Variants in ZMPSTE24 observed in about 807,000 individuals in gnomAD.
ZMPSTE24 encodes the protein zinc metallopeptidase STE24.
Under a neutral mutation model 56.7 loss-of-function variants are expected in ZMPSTE24, and 48 were observed. The ratio of observed to expected loss-of-function variants is 0.85; its 90% CI spans 0.67 to 1.08. The LOEUF (loss-of-function observed/expected upper bound fraction) is 1.08. Among genes scored for constraint, ZMPSTE24 ranks in the 50% least tolerant of loss-of-function variants. The pLI, the probability that ZMPSTE24 is intolerant of heterozygous loss-of-function variation, is 0.00. For synonymous variants in ZMPSTE24, 172 were observed against 195.2 expected (o/e 0.88, Z 0.99); for missense variants, 503 against 548.7 (o/e 0.92, Z 0.83).
intron 1 of ZMPSTE24, among the ~76,000 whole-genome samples, chr1:40,260,340 C>T (rs894199538): frequency 2.0e-5 from 3 of 152,092 alleles, no homozygotes; most frequent in African/African-American, 2.4e-5. Context: ...GGATTACAGG[C>T]GTGACCCACC....
rs1450590022 is a variant in ZMPSTE24 at position 40,268,146 on chromosome 1, AG to A, written c.358-272del. Among the ~76,000 whole-genome samples, 68 of 152,364 alleles carry A rather than the reference AG, an allele frequency of 4.5e-4. 1 individual carries two copies. The South Asian group carries it at 0.013, about 29-fold the overall frequency. On this transcript the variant is annotated intron_variant, in intron 3 of 9. Transcript: ENST00000372759. ...TGACTTTCTTCCATGTGGTAAGCCAAGAATCCAGGCTCTTTATCTTAGGGAT... is the reference window on the plus strand; with the variant it reads ...TGACTTTCTTCCATGTGGTAAGCCAAAATCCAGGCTCTTTATCTTAGGGAT...
intron 3 of ZMPSTE24, 67 bp from the exon 4 acceptor site, chr1:40,268,352 C>A: frequency 1.9e-6 from 2 of 1,051,682 alleles, no homozygotes; most frequent in Admixed American, 3.4e-5. Flanking sequence ...AAGTGCTCAG[C>A]AAATACTTGT....
intron 6 of ZMPSTE24, among the ~76,000 whole-genome samples, chr1:40,274,419 A>G (rs1397248591): frequency 6.6e-6 from 1 of 152,236 alleles, no homozygotes; most frequent in Non-Finnish European, 1.5e-5. Flanking sequence ...AGCAAGTGCT[A>G]TGCAGCAAAT....
rs556525352 is a variant in ZMPSTE24, at chr1:40,275,133, A to G, written c.769+3098A>G. On this transcript the variant is annotated intron_variant, in intron 6 of 9. Transcript: ENST00000372759. ...CAGAAAAACTGCTTATTGAAGCACT[A>G]TTTGGACCAGGCGCAGTGGCTTATG... 3.3e-5 allele frequency among the ~76,000 whole-genome samples: 5 copies of G among 152,148 alleles called. No individual in the cohort carries two copies. The South Asian group carries it at 1.0e-3, about 32-fold the overall frequency.
chr1:40,258,854 C>G (rs1190238705), intron 1 of ZMPSTE24, among the ~76,000 whole-genome samples: 1 of 151,994 alleles, frequency 6.6e-6, no homozygotes, highest in Non-Finnish European at 1.5e-5. Flanking sequence ...AAAAAACAAA[C>G]AAACAAACAA....
chr1:40,285,793 T>C, intron 7 of ZMPSTE24, 132 bp from the exon 8 acceptor site: 1 of 709,660 alleles, frequency 1.4e-6, no homozygotes, highest in Non-Finnish European at 2.3e-6. Flanking sequence ...AATGTTTTGT[T>C]AAGACAATCA....
intron 6 of ZMPSTE24, among the ~76,000 whole-genome samples, chr1:40,280,509 C>T (rs1306264885): frequency 6.6e-6 from 1 of 152,080 alleles, no homozygotes; most frequent in East Asian, 1.9e-4. Context: ...ACTGCAACCT[C>T]CGTCTCCTGG....
chr1:40,286,733 T>TG (rs1226701547), intron 8 of ZMPSTE24, among the ~76,000 whole-genome samples: 1 of 149,808 alleles, frequency 6.7e-6, no homozygotes, highest in East Asian at 2.0e-4. Flanking sequence ...AAATGCTTTT[T>TG]TTTTTTTTTT....
intron 5 of ZMPSTE24, 44 bp downstream of exon 5, chr1:40,270,171 G>A: frequency 1.2e-6 from 2 of 1,603,168 alleles, no homozygotes; most frequent in South Asian, 1.1e-5. Context: ...AAAGTTCCTT[G>A]GTGAGATTAC....
chr1:40,284,836 A>C (rs1643768700), intron 7 of ZMPSTE24, among the ~76,000 whole-genome samples: 1 of 151,784 alleles, frequency 6.6e-6, no homozygotes, highest in Non-Finnish European at 1.5e-5. Flanking sequence ...ATACACATTC[A>C]CATTGTTTCA....
At chr1:40,258,737 A>G (rs1048364593) in intron 1 of ZMPSTE24, among the ~76,000 whole-genome samples, 13 of 151,974 alleles carry the variant, frequency 8.6e-5, no homozygotes, top group African/African-American at 2.9e-4. Context: ...TAGACACCCA[A>G]CTTCCTCATG....
intron 2 of ZMPSTE24, among the ~76,000 whole-genome samples, chr1:40,263,944 C>G (rs1019361438): frequency 6.6e-6 from 1 of 152,064 alleles, no homozygotes; most frequent in Non-Finnish European, 1.5e-5. Context: ...CAGAGTAGGT[C>G]AGGGTCGAAA....
intron 2 of ZMPSTE24, 51 bp from the exon 3 acceptor site, chr1:40,267,735 G>A (rs753071041): frequency 1.5e-6 from 2 of 1,331,146 alleles, no homozygotes; most frequent in East Asian, 2.3e-5. Flanking sequence ...TTTCTCATAT[G>A]ATAGTTTCTA....
At chr1:40,259,232 A>G (rs1413465941) in intron 1 of ZMPSTE24, 2 of 152,220 alleles carry the variant, frequency 1.3e-5, no homozygotes, top group Non-Finnish European at 2.9e-5. Flanking sequence ...TTTTAGTTTA[A>G]ATATTAAAAT....
Position 40,268,514 on chromosome 1 carries a change from A to G in ZMPSTE24, c.453A>G (p.Glu151=), listed in dbSNP as rs115755400. 5.3e-4 allele frequency: 853 copies of G among 1,607,504 alleles called. 2 individuals are homozygous for G. The African/African-American group carries it at 0.01, about 20-fold the overall frequency. Reference sequence around the variant, plus strand: ...TTTATAATACTTTTGTGATAGAAGAAAAACATGGCTTCAATCAACAGGTAT... The same window carrying G: ...TTTATAATACTTTTGTGATAGAAGAGAAACATGGCTTCAATCAACAGGTAT... The part of the protein sequence containing the change: ...WSLYNTFVIE[E]KHGFNQQTLG... The change falls in exon 4 of 10, where the codon GAA becomes GAG. Residue 151 remains glutamate, a synonymous_variant. Transcript: ENST00000372759.
At chr1:40,280,772 T>G (rs1046480733) in intron 6 of ZMPSTE24, among the ~76,000 whole-genome samples, 1 of 152,160 alleles carries the variant, frequency 6.6e-6, no homozygotes, top group Non-Finnish European at 1.5e-5. Context: ...AAAATAAATA[T>G]AAAATAAACA....
chr1:40,258,516 G>A (rs1056280319), intron 1 of ZMPSTE24, 122 bp downstream of exon 1: 1 of 1,543,782 alleles, frequency 6.5e-7, no homozygotes, highest in South Asian at 1.1e-5. Flanking sequence ...TGTGGTCCCT[G>A]CTGAGTCTCG....
intron 2 of ZMPSTE24, among the ~76,000 whole-genome samples, chr1:40,261,907 C>T (rs1243946938): frequency 2.6e-5 from 4 of 152,128 alleles, no homozygotes; most frequent in Admixed American, 2.6e-4. Flanking sequence ...GACGGGGTTT[C>T]ACCATGTTAG....
At chr1:40,261,052 A>G in intron 2 of ZMPSTE24, 67 bp downstream of exon 2, 1 of 1,578,280 alleles carries the variant, frequency 6.3e-7, no homozygotes, top group Non-Finnish European at 8.7e-7. Context: ...TTTGTAACAC[A>G]AAAGAGGGTA....
Sources: allele counts gnomAD v4.1 joint callset (sites outside exome capture counted in the v4.1 genomes callset), GRCh38; gene constraint gnomAD v4.1.1; transcripts MANE v1.5; gene names NCBI Gene and HGNC (gene_info 2026-07-23, HGNC 2026-07-21).